MFSD1: variants seen among roughly 807,000 people sequenced by gnomAD.
MFSD1 encodes major facilitator superfamily domain containing 1, also known as lysosomal dipeptide transporter MFSD1.
A neutral mutation model predicts 67.1 loss-of-function variants in MFSD1; 59 were observed. The ratio of observed to expected loss-of-function variants is 0.88; its 90% confidence interval spans 0.71 to 1.09. MFSD1 has a LOEUF of 1.09. Ranked by LOEUF, MFSD1 falls within the 50% of genes least tolerant of loss-of-function variation. The pLI is 0.00. For synonymous variants in MFSD1, 213 were observed against 200.3 expected, an observed-to-expected ratio of 1.06 and a Z score of -0.54; for missense variants, 552 against 566.1, an observed-to-expected ratio of 0.97 and a Z score of 0.25.
chr3:158,807,474 C>T lies in MFSD1; in HGVS notation c.440+11C>T. The stretch of plus-strand genomic sequence containing the variant: ...AAGATTTGTATTTGGGTAAGTTATG[C>T]ATAATTTAATTTATCCTAATGTATT... On this transcript the variant is annotated intron_variant, in intron 5 of 15. Coordinates refer to ENST00000415822, the MANE Select transcript of MFSD1 (RefSeq NM_022736.4). The T allele has an allele frequency of 6.3e-7, 1 of 1,586,684 alleles. No individual in the cohort carries two copies. Among genetic ancestry groups the T allele is most frequent in the Non-Finnish European group, 8.7e-7 (1 of 1,155,784 alleles).
At chr3:158,823,855 T>C (rs956141678) in intron 12 of MFSD1, among the ~76,000 whole-genome samples, 2 of 152,204 alleles carry the variant, frequency 1.3e-5, no homozygotes, top group African/African-American at 2.4e-5. Flanking sequence ...GTGGTTGATA[T>C]TCACATGGCC....
chr3:158,803,290 C>T (rs905705757), intron 1 of MFSD1, among the ~76,000 whole-genome samples: 2 of 152,136 alleles, frequency 1.3e-5, no homozygotes, highest in Non-Finnish European at 2.9e-5. Context: ...GATAACTATT[C>T]TAGCGCTGAA....
At chr3:158,828,168 A>G (rs1330438137) in intron 15 of MFSD1, among the ~76,000 whole-genome samples, 1 of 152,234 alleles carries the variant, frequency 6.6e-6, no homozygotes, top group Non-Finnish European at 1.5e-5. Flanking sequence ...ATTTAAGTAT[A>G]TAGCATGGTG....
At chr3:158,820,356 T>A in intron 9 of MFSD1, 30 bp downstream of exon 9, 5 of 1,426,306 alleles carry the variant, frequency 3.5e-6, no homozygotes, top group Non-Finnish European at 4.9e-6. Context: ...CCATTATTTC[T>A]TGTCTAAATT....
At chr3:158,819,231 C>T (rs534290226) in intron 7 of MFSD1, among the ~76,000 whole-genome samples, 17 of 152,186 alleles carry the variant, frequency 1.1e-4, no homozygotes, top group African/African-American at 3.4e-4. Context: ...GGGAAAACAT[C>T]GGAAGGAAGA....
At chr3:158,811,528 C>T (rs1441569956) in intron 6 of MFSD1, among the ~76,000 whole-genome samples, 3 of 152,122 alleles carry the variant, frequency 2.0e-5, no homozygotes, top group Admixed American at 6.5e-5. Flanking sequence ...GTCAATTGAC[C>T]AAGCCCTGGG....
chr3:158,806,899 A>G (rs576859725), intron 3 of MFSD1, 141 bp from the exon 4 acceptor site: 11 of 605,728 alleles, frequency 1.8e-5, no homozygotes, highest in Non-Finnish European at 2.5e-5. Context: ...CTTTCTTTGG[A>G]GGGAATACAG....
At chr3:158,828,336 G>A (rs1357571273) in intron 15 of MFSD1, among the ~76,000 whole-genome samples, 1 of 151,952 alleles carries the variant, frequency 6.6e-6, no homozygotes, top group Non-Finnish European at 1.5e-5. Flanking sequence ...TGTGACTTTT[G>A]ACTAGGTTAA....
intron 7 of MFSD1, among the ~76,000 whole-genome samples, chr3:158,815,942 T>G (rs535541767): frequency 1.2e-4 from 18 of 152,262 alleles, no homozygotes; most frequent in African/African-American, 4.3e-4. Flanking sequence ...CTGAGAATGA[T>G]GATTTCCAGT....
Position 158,818,029 on chromosome 3 carries a change from G to GT in MFSD1, c.653-1620_653-1619insT, listed in dbSNP as rs529731898. Among the ~76,000 whole-genome samples, 3 of 152,122 alleles carry GT rather than the reference G, an allele frequency of 2.0e-5. No homozygotes were observed. The South Asian group carries it at 6.2e-4, about 32-fold the overall frequency. On this transcript the variant is annotated intron_variant, in intron 7 of 15. Transcript: ENST00000415822. ...TATGGCTCCATGGTGCTAGTTGCTGGGTGGGTCACTGGGAAGGGCACGAAG... is the reference window on the plus strand; with the variant it reads ...TATGGCTCCATGGTGCTAGTTGCTGGTGTGGGTCACTGGGAAGGGCACGAAG...
In MFSD1 at chr3:158,823,456, T is replaced by C. The variant is rs1361586758; in HGVS notation, c.1106T>C (p.Leu369Pro). ...MCLLGLSYSL[L>P]ACALWPMVAF... ...CTTCTGGGACTCTCCTACTCATTGCTTGCCTGTGCATTGTGGCCAATGGTG... is the reference window on the plus strand; with the variant it reads ...CTTCTGGGACTCTCCTACTCATTGCCTGCCTGTGCATTGTGGCCAATGGTG... The change falls in exon 12 of 16, where the codon CTT (leucine) becomes CCT (proline). Residue 369 changes from leucine (L) to proline (P), a missense_variant. By Grantham distance (98) the Leu-to-Pro change is moderately conservative. Coordinates refer to ENST00000415822, the MANE Select transcript of MFSD1 (RefSeq NM_022736.4). 6.2e-7 allele frequency: 1 copy of C among 1,613,828 alleles called. No individual in the cohort carries two copies. The highest frequency in any genetic ancestry group is 2.2e-5 in the East Asian group (1 of 44,882).
chr3:158,827,908 GAGA>G (rs1731070548), intron 15 of MFSD1, among the ~76,000 whole-genome samples: 3 of 90,016 alleles, frequency 3.3e-5, no homozygotes, highest in African/African-American at 5.8e-5. Context: ...CAGAGAGAGA[GAGA>G]GGGGGAGAGA....
intron 1 of MFSD1, among the ~76,000 whole-genome samples, chr3:158,803,022 G>A (rs1466240420): frequency 6.6e-6 from 1 of 152,132 alleles, no homozygotes; most frequent in Admixed American, 6.5e-5. Flanking sequence ...AATAGATATT[G>A]TTCTCTTAAT....
At chr3:158,805,542 G>A in intron 3 of MFSD1, 68 bp downstream of exon 3, 1 of 1,161,542 alleles carries the variant, frequency 8.6e-7, no homozygotes, top group Non-Finnish European at 1.3e-6. Context: ...CTAGATTAAG[G>A]TATTTCTAGA....
intron 1 of MFSD1, 44 bp downstream of exon 1, chr3:158,802,359 C>T: frequency 6.2e-7 from 1 of 1,606,154 alleles, no homozygotes. Flanking sequence ...AAGGAATTCC[C>T]GACTTTCTCT....
At chr3:158,810,059 T>C (rs889231207) in intron 6 of MFSD1, among the ~76,000 whole-genome samples, 1 of 152,194 alleles carries the variant, frequency 6.6e-6, no homozygotes, top group African/African-American at 2.4e-5. Flanking sequence ...GGGTCTCACT[T>C]TGTTGCCCAA....
At chr3:158,820,431 GT>G in intron 9 of MFSD1, 105 bp downstream of exon 9, 1 of 731,276 alleles carries the variant, frequency 1.4e-6, no homozygotes. Context: ...TCTGGTTATA[GT>G]TTATATTTTC....
In MFSD1 at chr3:158,821,983, G is replaced by A. The variant is rs1275096324; in HGVS notation, c.921-1G>A. On this transcript the variant is annotated splice_acceptor_variant, in intron 10 of 15. Transcript: ENST00000415822. LOFTEE classifies it high-confidence loss of function. ...AAATGTCTTATGTGTTCTCTGGGCAGTGTTGTATATGTCATATCAGCTCCC... is the reference window on the plus strand; with the variant it reads ...AAATGTCTTATGTGTTCTCTGGGCAATGTTGTATATGTCATATCAGCTCCC... The A allele has an allele frequency of 4.3e-6, 7 of 1,612,854 alleles. No homozygotes were observed. The highest frequency in any genetic ancestry group is 5.9e-6 in the Non-Finnish European group (7 of 1,179,004).
At chr3:158,810,582 ATCTC>A (rs1559917097) in intron 6 of MFSD1, among the ~76,000 whole-genome samples, 3 of 152,198 alleles carry the variant, frequency 2.0e-5, no homozygotes, top group Admixed American at 1.3e-4. Context: ...AGTTCTGTGC[ATCTC>A]TTTTAGTCTC....
Sources: allele counts gnomAD v4.1 joint callset (sites outside exome capture counted in the v4.1 genomes callset), GRCh38; gene constraint gnomAD v4.1.1; transcripts MANE v1.5; gene names NCBI Gene and HGNC (gene_info 2026-07-23, HGNC 2026-07-21).